Variants in C22orf23 observed in about 807,000 individuals in gnomAD.
C22orf23 encodes chromosome 22 open reading frame 23, also known as UPF0193 protein EVG1.
In C22orf23, 30 loss-of-function variants were observed where a neutral mutation model predicts 29.7. The observed-to-expected ratio is 1.01, with a 90% confidence interval of 0.76 to 1.37. The LOEUF (loss-of-function observed/expected upper bound fraction) is 1.37. Ranked by LOEUF, C22orf23 falls within the 40% of genes most tolerant of loss-of-function variation. C22orf23 has a pLI of 0.00. For missense variants in C22orf23, 237 were observed against 273.1 expected (o/e 0.87, Z 0.93); for synonymous variants, 90 against 96.1 (o/e 0.94, Z 0.37).
chr22:37,946,075 G>A (rs1049896091), intron 4 of C22orf23, among the ~76,000 whole-genome samples: 24 of 151,954 alleles, frequency 1.6e-4, no homozygotes, highest in Admixed American at 1.4e-3. Context: ...TGGCTAACAC[G>A]GTGAGACCCC....
At position 37,943,804 on chromosome 22, in the gene C22orf23, A is replaced by G; in HGVS notation, c.*371T>C. On this transcript the variant is annotated 3_prime_UTR_variant, in exon 7 of 7. Coordinates refer to ENST00000403305, the MANE Select transcript of C22orf23 (RefSeq NM_032561.5). Reference sequence around the variant, plus strand: ...ACTTGCCTAAGGCGGTAAGAAATCAAATAAGTAAATCCTAAAACAGGAAGA... The same window carrying G: ...ACTTGCCTAAGGCGGTAAGAAATCAGATAAGTAAATCCTAAAACAGGAAGA... The G allele has an allele frequency of 3.9e-6, 1 of 258,246 alleles. No homozygotes were observed. The highest frequency in any genetic ancestry group is 7.5e-6 in the Non-Finnish European group (1 of 134,044). 16.0% of individuals were successfully genotyped at this position (258,246 alleles called of 1,614,324 possible).
At chr22:37,951,274 T>C in intron 3 of C22orf23, 186 bp downstream of exon 3, 1 of 559,222 alleles carries the variant, frequency 1.8e-6, no homozygotes, top group Non-Finnish European at 3.2e-6. Context: ...CGGGCTGGTC[T>C]TGAACTCCTG....
chr22:37,945,219 C>A, intron 4 of C22orf23, 46 bp from the exon 5 acceptor site: 1 of 1,583,440 alleles, frequency 6.3e-7, no homozygotes, highest in South Asian at 1.2e-5. Flanking sequence ...TAAAGGGTGC[C>A]CTTATTCATG....
chr22:37,951,206 T>C (rs890312548), intron 3 of C22orf23: 19 of 362,554 alleles, frequency 5.2e-5, no homozygotes, highest in African/African-American at 4.0e-4. Flanking sequence ...AGTGAGACTC[T>C]GTCTCAAAAA....
At chr22:37,953,310 C>G in intron 1 of C22orf23, 138 bp downstream of exon 1, 1 of 609,046 alleles carries the variant, frequency 1.6e-6, no homozygotes, top group Non-Finnish European at 2.9e-6. Flanking sequence ...AACCTCCCAT[C>G]CAGACACACA....
rs759494411 is a variant in C22orf23 at position 37,944,152 on chromosome 22, C to T, written c.*23G>A. ...GACTCCAGTGGTCGAGCTTGGGCTACCCTGCCCGTCTCTGGAGACAGATTA... is the reference window on the plus strand; with the variant it reads ...GACTCCAGTGGTCGAGCTTGGGCTATCCTGCCCGTCTCTGGAGACAGATTA... On this transcript the variant is annotated 3_prime_UTR_variant, in exon 7 of 7. Transcript: ENST00000403305. 1.9e-6 allele frequency: 3 copies of T among 1,610,298 alleles called. No individual in the cohort carries two copies. The highest frequency in any genetic ancestry group is 2.2e-5 in the East Asian group (1 of 44,880).
Position 37,953,529 on chromosome 22 carries a change from C to T in C22orf23, c.-91G>A. The T allele has an allele frequency of 1.8e-6, 1 of 568,518 alleles. No individual in the cohort carries two copies. The highest frequency in any genetic ancestry group is 3.1e-6 in the Non-Finnish European group (1 of 323,564). 35.2% of individuals were successfully genotyped at this position (568,518 alleles called of 1,614,324 possible). The stretch of plus-strand genomic sequence containing the variant: ...GTGACCACTGCTTTACAGCCGCATC[C>T]GCACCGGTGCCACGCAGAAATACTG... On this transcript the variant is annotated 5_prime_UTR_variant, in exon 1 of 7. Coordinates refer to ENST00000403305, the MANE Select transcript of C22orf23 (RefSeq NM_032561.5).
At chr22:37,949,605 C>T (rs919051677) in intron 3 of C22orf23, among the ~76,000 whole-genome samples, 2 of 151,640 alleles carry the variant, frequency 1.3e-5, no homozygotes, top group Non-Finnish European at 2.9e-5. Flanking sequence ...ACTACAGGCC[C>T]GGGTCACCAC....
At chr22:37,947,592 C>T (rs912872811) in intron 3 of C22orf23, 129 bp from the exon 4 acceptor site, 2 of 720,824 alleles carry the variant, frequency 2.8e-6, no homozygotes, top group Non-Finnish European at 4.2e-6. Flanking sequence ...CTTACTGCAA[C>T]CTCTGCCTCT....
At chr22:37,945,647 C>G (rs1482577344) in intron 4 of C22orf23, among the ~76,000 whole-genome samples, 8 of 150,736 alleles carry the variant, frequency 5.3e-5, no homozygotes, top group Admixed American at 1.3e-4. Flanking sequence ...CGTCATCGTG[C>G]CCAGCTAATT....
At chr22:37,951,797 CTTTTTTTTTTTTT>C (rs551481283) in intron 2 of C22orf23, 114 of 38,772 alleles carry the variant, frequency 2.9e-3, no homozygotes, top group South Asian at 0.011. Context: ...TCCTCTTTCT[CTTTTTTTTTTTTT>C]TTTTTTTTTT....
chr22:37,946,266 A>G (rs1930695516), intron 4 of C22orf23, among the ~76,000 whole-genome samples: 1 of 149,182 alleles, frequency 6.7e-6, no homozygotes, highest in Admixed American at 6.6e-5. Context: ...CTCAAAAAAA[A>G]AAAAAATTAG....
intron 4 of C22orf23, 90 bp from the exon 5 acceptor site, chr22:37,945,263 G>T: frequency 6.6e-7 from 1 of 1,506,430 alleles, no homozygotes; most frequent in South Asian, 1.3e-5. Flanking sequence ...CTTGCTGCAG[G>T]GTGCCTGGTC....
rs776647078 is a variant in C22orf23 at position 37,944,147 on chromosome 22, GGCTACCCT to G, written c.*20_*27del. On this transcript the variant is annotated 3_prime_UTR_variant, in exon 7 of 7. Coordinates refer to ENST00000403305, the MANE Select transcript of C22orf23 (RefSeq NM_032561.5). ...GAGTGGACTCCAGTGGTCGAGCTTG[GGCTACCCT>G]GCCCGTCTCTGGAGACAGATTAAGT... 5.0e-6 allele frequency: 8 copies of G among 1,605,124 alleles called. No homozygotes were observed. The South Asian group carries it at 8.8e-5, about 18-fold the overall frequency.
intron 2 of C22orf23, among the ~76,000 whole-genome samples, chr22:37,952,330 A>G (rs926425151): frequency 2.0e-5 from 3 of 152,174 alleles, no homozygotes; most frequent in African/African-American, 7.2e-5. Context: ...GGGACACCAA[A>G]TAACTGACTA....
chr22:37,945,495 T>C (rs1480734745), intron 4 of C22orf23, among the ~76,000 whole-genome samples: 2 of 120,468 alleles, frequency 1.7e-5, no homozygotes, highest in African/African-American at 4.2e-5. Context: ...TTTTTTCTTC[T>C]TTTTTTTTTT....
In C22orf23 at chr22:37,951,496, T is replaced by C. The variant is rs1260938392; in HGVS notation, c.130A>G (p.Asn44Asp). 1 of 1,614,082 alleles carries C rather than the reference T, an allele frequency of 6.2e-7. No homozygotes were observed. Among genetic ancestry groups the C allele is most frequent in the Non-Finnish European group, 8.5e-7 (1 of 1,179,996 alleles). Reference protein sequence around the residue: ...RVMMKESKLTNIQQRHIMDIM... With the variant: ...RVMMKESKLTDIQQRHIMDIM... ...TCCATGATGTGGCGCTGCTGGATGT[T>C]CGTCAGTTTGGATTCCTTCATCATC... is the stretch of plus-strand genomic sequence containing the variant. The change falls in exon 3 of 7, where the codon AAC (asparagine) becomes GAC (aspartate). Residue 44 changes from asparagine to aspartate, a missense_variant. Transcript: ENST00000403305.
chr22:37,947,321 A>G lies in C22orf23; in HGVS notation c.309T>C (p.Asn103=), dbSNP rs1930755135. The G allele has an allele frequency of 6.2e-7, 1 of 1,613,724 alleles. No individual in the cohort carries two copies. Among genetic ancestry groups the G allele is most frequent in the African/African-American group, 1.3e-5 (1 of 74,728 alleles). The part of the protein sequence containing the change: ...HLRPANMCQA[N]GAYSREQFKP... Reference sequence around the variant, plus strand: ...TGAACTGCTCCCGGCTGTAGGCCCCATTGGCTTGACACATGTTGGCAGGCC... The same window carrying G: ...TGAACTGCTCCCGGCTGTAGGCCCCGTTGGCTTGACACATGTTGGCAGGCC... Residue 103 remains asparagine (N), a synonymous_variant, in exon 4 of 7, where the codon AAT becomes AAC. Transcript: ENST00000403305.
intron 4 of C22orf23, among the ~76,000 whole-genome samples, chr22:37,945,753 T>C (rs1386822546): frequency 8.3e-6 from 1 of 120,112 alleles, no homozygotes; most frequent in Non-Finnish European, 1.7e-5. Flanking sequence ...AGCCTCGGCC[T>C]CCCAAAGTGC....
Sources: gnomAD v4.1 joint callset for allele counts (sites outside exome capture counted in the v4.1 genomes callset) on GRCh38, gnomAD v4.1.1 for gene constraint, MANE v1.5 for transcripts, NCBI Gene and HGNC (gene_info 2026-07-23, HGNC 2026-07-21) for gene names.